MYPOP: variants seen among roughly 807,000 people sequenced by gnomAD.
MYPOP encodes myb-related transcription factor, partner of profilin.
MYPOP carries 21 observed loss-of-function variants against 25.7 expected under a neutral mutation model. The ratio of observed to expected loss-of-function variants is 0.82; its 90% CI spans 0.58 to 1.18. The LOEUF (loss-of-function observed/expected upper bound fraction) is 1.18, where lower values mean the gene tolerates loss of function less well. Among genes scored for constraint, MYPOP ranks in the 50% most tolerant of loss-of-function variants. MYPOP has a pLI of 0.00. For missense variants in MYPOP, 566 were observed against 588.3 expected, an observed-to-expected ratio of 0.96 and a Z score of 0.39; for synonymous variants, 280 against 247.9, an observed-to-expected ratio of 1.13 and a Z score of -1.22.
At chr19:45,897,109 G>C (rs905705703) in intron 2 of MYPOP, among the ~76,000 whole-genome samples, 2 of 150,234 alleles carry the variant, frequency 1.3e-5, no homozygotes, top group Non-Finnish European at 3.0e-5. Context: ...CATCACCCAG[G>C]CTGGAGTGCA....
chr19:45,893,717 T>C (rs1330253135), intron 2 of MYPOP, among the ~76,000 whole-genome samples: 1 of 151,920 alleles, frequency 6.6e-6, no homozygotes, highest in African/African-American at 2.4e-5. Context: ...TGTTCTAAAA[T>C]TGATCGTGGT....
At chr19:45,897,210 A>G (rs972630997) in intron 2 of MYPOP, among the ~76,000 whole-genome samples, 1 of 151,454 alleles carries the variant, frequency 6.6e-6, no homozygotes, top group Non-Finnish European at 1.5e-5. Flanking sequence ...TTATAGGCAT[A>G]TGCCACCATG....
rs754997265 is a variant in MYPOP, at chr19:45,901,494, C to T, written c.280G>A (p.Val94Met). The T allele has an allele frequency of 3.7e-6, 6 of 1,609,840 alleles. No individual in the cohort carries two copies. The South Asian group carries it at 4.4e-5, about 12-fold the overall frequency. ...CCGGCGCCCTGCGTGGAGTGCGGCA[C>T]GCGAGCGAGCTTCTCCTTGGTGCGG... ...KRRTKEKLAR[V>M]PHSTQGAGPA... Residue 94 changes from valine (V) to methionine (M), a missense_variant, in exon 2 of 3, where the codon GTG (valine) becomes ATG (methionine). Transcript: ENST00000322217. This position sits in a 1 kb window ranked among gnomAD's most constrained non-coding sequence, Gnocchi z 5.7.
intron 2 of MYPOP, among the ~76,000 whole-genome samples, chr19:45,897,550 C>A (rs2146379960): frequency 6.6e-6 from 1 of 152,254 alleles, no homozygotes; most frequent in Middle Eastern, 3.4e-3. Context: ...AGTGCCCCTG[C>A]AAGAGTTTGT....
At position 45,890,842 on chromosome 19, in the gene MYPOP, C is replaced by A. The variant is rs142323830; in HGVS notation, c.981G>T (p.Pro327=). The A allele has an allele frequency of 1.1e-5, 10 of 905,766 alleles. No individual in the cohort carries two copies. In the Admixed American group the frequency reaches 1.0e-3, roughly 91 times the overall value. 56.1% of individuals were successfully genotyped at this position (905,766 alleles called of 1,614,324 possible). ...CTGGGGTGATCTCCACCTTGGGGGC[C>A]GGTGGGGGCAGGACAGGCCTGGGAG... ...PPPPRPVLPP[P]APKVEITPEP... is the part of the protein sequence containing the mutation. The change falls in exon 3 of 3, where the codon CCG becomes CCT. Residue 327 remains proline (P), a synonymous_variant. Coordinates refer to ENST00000322217, the MANE Select transcript of MYPOP (RefSeq NM_001012643.4).
chr19:45,893,992 T>A (rs1020392605), intron 2 of MYPOP, among the ~76,000 whole-genome samples: 15 of 151,286 alleles, frequency 9.9e-5, no homozygotes, highest in African/African-American at 3.6e-4. Flanking sequence ...GGTTTCACTG[T>A]GTTAGCCAGG....
chr19:45,890,800 C>T lies in MYPOP; in HGVS notation c.1023G>A (p.Val341=), dbSNP rs1378616275. 8.0e-6 allele frequency: 12 copies of T among 1,493,078 alleles called. No homozygotes were observed. Among genetic ancestry groups the T allele is most frequent in the Non-Finnish European group, 1.1e-5 (12 of 1,118,246 alleles). 92.5% of individuals were successfully genotyped at this position (1,493,078 alleles called of 1,614,324 possible). The part of the protein sequence containing the change: ...VEITPEPVSV[V]AAVVDGAVVA... ...CCACTGCCCCGTCCACCACAGCAGCCACCACGGACACGGGCTCTGGGGTGA... is the reference window on the plus strand; with the variant it reads ...CCACTGCCCCGTCCACCACAGCAGCTACCACGGACACGGGCTCTGGGGTGA... Residue 341 remains valine, a synonymous_variant, in exon 3 of 3, where the codon GTG becomes GTA. Transcript: ENST00000322217.
intron 2 of MYPOP, among the ~76,000 whole-genome samples, chr19:45,896,815 C>T (rs891041594): frequency 9.9e-5 from 15 of 151,560 alleles, no homozygotes; most frequent in African/African-American, 3.4e-4. Flanking sequence ...TTAGTAGAGA[C>T]GGGGTTTCAC....
At chr19:45,892,289 TGA>T (rs562447302) in intron 2 of MYPOP, among the ~76,000 whole-genome samples, 29 of 152,182 alleles carry the variant, frequency 1.9e-4, no homozygotes, top group South Asian at 1.7e-3. Flanking sequence ...CCTGAGGAAG[TGA>T]GAGAGAGGTC....
At position 45,890,837 on chromosome 19, in the gene MYPOP, G is replaced by T. The variant is rs182802964; in HGVS notation, c.986C>A (p.Pro329His). ...PPRPVLPPPA[P>H]KVEITPEPVS... ...GGGCTCTGGGGTGATCTCCACCTTG[G>T]GGGCCGGTGGGGGCAGGACAGGCCT... The change falls in exon 3 of 3, where the codon CCC (proline) becomes CAC (histidine). Residue 329 changes from proline to histidine, a missense_variant. Transcript: ENST00000322217. 3.4e-3 allele frequency: 4,924 copies of T among 1,443,562 alleles called. 318 individuals carry two copies. In the Admixed American group the frequency reaches 0.12, roughly 35 times the overall value. The allele number at this position is 1,443,562 out of a possible 1,614,324, so 89.4% of individuals were successfully genotyped here.
At chr19:45,899,251 A>C (rs1482493827) in intron 2 of MYPOP, among the ~76,000 whole-genome samples, 1 of 152,060 alleles carries the variant, frequency 6.6e-6, no homozygotes, top group Admixed American at 6.6e-5. Context: ...ACAAGCAAAC[A>C]AAAAAAGAAT....
chr19:45,893,857 T>C (rs1242994272), intron 2 of MYPOP, among the ~76,000 whole-genome samples: 1 of 149,356 alleles, frequency 6.7e-6, no homozygotes, highest in East Asian at 2.0e-4. Context: ...TGGCGCGATC[T>C]CAGCTCACTG....
chr19:45,890,723 C>CGGGGGCGGGGGGGGGGCG lies in MYPOP; in HGVS notation c.1099_1100insCGCCCCCCCCCCGCCCCC (p.Pro366_Arg367insProProProProArgPro). 1 of 1,193,550 alleles carries CGGGGGCGGGGGGGGGGCG rather than the reference C, an allele frequency of 8.4e-7. No individual in the cohort carries two copies. The highest frequency in any genetic ancestry group is 1.2e-6 in the Non-Finnish European group (1 of 836,826). The allele number at this position is 1,193,550 out of a possible 1,614,324, so 73.9% of individuals were successfully genotyped here. On this transcript the variant is annotated inframe_insertion, in exon 3 of 3. Coordinates refer to ENST00000322217, the MANE Select transcript of MYPOP (RefSeq NM_001012643.4). ...CGGAGGGAGCGGGGCTGGGGGGGGC[C>CGGGGGCGGGGGGGGGGCG]GGGGTGCCCCCTCCTCGCTCCTTGG...
Position 45,890,921 on chromosome 19 carries a change from G to T in MYPOP, c.902C>A (p.Thr301Asn). The change falls in exon 3 of 3, where the codon ACC becomes AAC. Residue 301 changes from threonine to asparagine, a missense_variant. Thr to Asn is a moderately conservative substitution (Grantham distance 65, BLOSUM62 0). Coordinates refer to ENST00000322217, the MANE Select transcript of MYPOP (RefSeq NM_001012643.4). The stretch of plus-strand genomic sequence containing the variant: ...AGGTGGAGGCAGGGAGTCAACTGGG[G>T]TTCCTGGCAGAAGGGGCAGCAGAGC... Reference protein sequence around the residue: ...LSALLPLLPGTPVDSLPPPLP... With the variant: ...LSALLPLLPGNPVDSLPPPLP... 1 of 1,445,808 alleles carries T rather than the reference G, an allele frequency of 6.9e-7. No homozygotes were observed. The highest frequency in any genetic ancestry group is 9.1e-7 in the Non-Finnish European group (1 of 1,100,506). 89.6% of individuals were successfully genotyped at this position (1,445,808 alleles called of 1,614,324 possible). A position where few individuals can be genotyped will look rare whatever the true frequency, so the allele number is the denominator to read the frequency against.
chr19:45,893,990 T>C (rs1455344597), intron 2 of MYPOP, among the ~76,000 whole-genome samples: 1 of 149,032 alleles, frequency 6.7e-6, no homozygotes, highest in East Asian at 2.0e-4. Flanking sequence ...GGGGTTTCAC[T>C]GTGTTAGCCA....
In MYPOP at chr19:45,901,295, C is replaced by A. The variant is rs1438338806; in HGVS notation, c.479G>T (p.Arg160Leu). 1 of 1,452,610 alleles carries A rather than the reference C, an allele frequency of 6.9e-7. No homozygotes were observed. Among genetic ancestry groups the A allele is most frequent in the Non-Finnish European group, 9.1e-7 (1 of 1,103,762 alleles). 90.0% of individuals were successfully genotyped at this position (1,452,610 alleles called of 1,614,324 possible). ...CPQRYVLSED[R>L]REDRRADTSA... ...CTCACCTGCACGTCGGTCCTCCCGGCGGTCTTCCGACAACACGTAGCGCTG... is the reference window on the plus strand; with the variant it reads ...CTCACCTGCACGTCGGTCCTCCCGGAGGTCTTCCGACAACACGTAGCGCTG... Residue 160 changes from arginine (R) to leucine (L), a missense_variant, in exon 2 of 3, where the codon CGC (arginine) becomes CTC (leucine). By Grantham distance (102) the Arg-to-Leu change is moderately radical. Coordinates refer to ENST00000322217, the MANE Select transcript of MYPOP (RefSeq NM_001012643.4). This position sits in a 1 kb window ranked among gnomAD's most constrained non-coding sequence, Gnocchi z 5.7.
chr19:45,894,402 C>T (rs1041931587), intron 2 of MYPOP, among the ~76,000 whole-genome samples: 5 of 151,700 alleles, frequency 3.3e-5, no homozygotes, highest in Non-Finnish European at 7.4e-5. Flanking sequence ...CGTGAGCCAC[C>T]GTGCCTGGCC....
At chr19:45,895,076 G>A (rs962694519) in intron 2 of MYPOP, among the ~76,000 whole-genome samples, 1 of 151,970 alleles carries the variant, frequency 6.6e-6, no homozygotes, top group Non-Finnish European at 1.5e-5. Context: ...TGCTCAAACC[G>A]TCCTGTGGCT....
Position 45,890,725 on chromosome 19 carries a change from G to C in MYPOP, c.1098C>G (p.Pro366=), listed in dbSNP as rs1600562965. Residue 366 remains proline (P), a synonymous_variant, in exon 3 of 3, where the codon CCC becomes CCG. Coordinates refer to ENST00000322217, the MANE Select transcript of MYPOP (RefSeq NM_001012643.4). ...IIAPRSEEGA[P]RPPPAPLPPH... is the part of the protein sequence containing the mutation. ...GAGGGAGCGGGGCTGGGGGGGGCCG[G>C]GGTGCCCCCTCCTCGCTCCTTGGGG... The C allele has an allele frequency of 3.8e-6, 6 of 1,578,794 alleles. No homozygotes were observed. In the East Asian group the frequency reaches 1.4e-4, roughly 36 times the overall value.
Sources: allele counts gnomAD v4.1 joint callset (sites outside exome capture counted in the v4.1 genomes callset), GRCh38; gene constraint gnomAD v4.1.1; non-coding constraint Gnocchi (gnomAD v3.1); transcripts MANE v1.5; gene names NCBI Gene and HGNC (gene_info 2026-07-23, HGNC 2026-07-21).